SIK3: variants seen among roughly 807,000 people sequenced by gnomAD.
SIK3 encodes SIK family kinase 3.
In SIK3, 28 loss-of-function variants were observed where a neutral mutation model predicts 144.2. The observed-to-expected ratio is 0.19, with a 90% CI of 0.14 to 0.27. The LOEUF is 0.27. Ranked by LOEUF, SIK3 falls within the 10% of genes least tolerant of loss-of-function variation. The pLI is 1.00. For synonymous variants in SIK3, 686 were observed against 676.3 expected, an observed-to-expected ratio of 1.01 and a Z score of -0.22; for missense variants, 1,319 against 1,776.0, an observed-to-expected ratio of 0.74 and a Z score of 4.62.
At chr11:117,019,648 C>T (rs965684186) in intron 1 of SIK3, among the ~76,000 whole-genome samples, 1 of 151,622 alleles carries the variant, frequency 6.6e-6, no homozygotes, top group Non-Finnish European at 1.5e-5. Flanking sequence ...CAGAGTCTCG[C>T]TGTTTCCCAG....
At chr11:116,883,993 G>C (rs911544244) in intron 6 of SIK3, among the ~76,000 whole-genome samples, 4 of 151,946 alleles carry the variant, frequency 2.6e-5, no homozygotes, top group African/African-American at 7.3e-5. Context: ...CTAACCTATA[G>C]ATACATTCAG....
chr11:117,089,343 C>G (rs139654163), intron 1 of SIK3, among the ~76,000 whole-genome samples: 3,712 of 150,360 alleles, frequency 0.025, 86 homozygotes, highest in South Asian at 0.11. Context: ...AGAGGTGGAG[C>G]TTGCAGTGAG....
intron 4 of SIK3, among the ~76,000 whole-genome samples, chr11:116,897,851 C>T (rs1166849053): frequency 6.6e-6 from 1 of 151,720 alleles, no homozygotes; most frequent in African/African-American, 2.4e-5. Flanking sequence ...CCACTGCACT[C>T]CAGCCTGGGC....
chr11:116,992,122 G>A (rs771996668), intron 1 of SIK3, among the ~76,000 whole-genome samples: 6 of 151,992 alleles, frequency 3.9e-5, no homozygotes, highest in Non-Finnish European at 7.4e-5. Flanking sequence ...TCAGGAGTTC[G>A]AGACCAGCTT....
intron 1 of SIK3, among the ~76,000 whole-genome samples, chr11:116,981,709 G>A (rs1235745926): frequency 5.9e-5 from 9 of 152,036 alleles, no homozygotes; most frequent in African/African-American, 1.7e-4. Context: ...AGTCTTTAAG[G>A]CCTGACTAGA....
At chr11:116,891,143 T>TA (rs981828663) in intron 6 of SIK3, among the ~76,000 whole-genome samples, 2 of 151,998 alleles carry the variant, frequency 1.3e-5, no homozygotes, top group African/African-American at 2.4e-5. Flanking sequence ...TCCATCTCTA[T>TA]AAAAAAATGT....
At chr11:117,030,491 C>G (rs975218834) in intron 1 of SIK3, among the ~76,000 whole-genome samples, 4 of 151,920 alleles carry the variant, frequency 2.6e-5, no homozygotes, top group African/African-American at 9.7e-5. Context: ...GTGAAAAAAG[C>G]AAGACACAAC....
At chr11:116,861,982 A>G in intron 17 of SIK3, 56 bp from the exon 18 acceptor site, 1 of 1,359,838 alleles carries the variant, frequency 7.4e-7, no homozygotes, top group Non-Finnish European at 1.0e-6. Flanking sequence ...GATTACTCAG[A>G]GCTATTCTCA....
chr11:116,920,293 C>G (rs1316524849), intron 4 of SIK3, among the ~76,000 whole-genome samples: 1 of 152,090 alleles, frequency 6.6e-6, no homozygotes, highest in Admixed American at 6.5e-5. Flanking sequence ...TCTCTCACCC[C>G]AACTTCTTCC....
chr11:117,018,770 T>C (rs1474614479), intron 1 of SIK3, among the ~76,000 whole-genome samples: 1 of 152,004 alleles, frequency 6.6e-6, no homozygotes, highest in Non-Finnish European at 1.5e-5. Context: ...TGGAGTACAG[T>C]AGTGCATCTC....
At chr11:116,992,214 A>G (rs1177185963) in intron 1 of SIK3, among the ~76,000 whole-genome samples, 1 of 151,170 alleles carries the variant, frequency 6.6e-6, no homozygotes, top group Non-Finnish European at 1.5e-5. Context: ...AATCCCAGCT[A>G]CTCAGGAGGC....
intron 1 of SIK3, among the ~76,000 whole-genome samples, chr11:117,009,167 G>A (rs1951160586): frequency 6.6e-6 from 1 of 150,944 alleles, no homozygotes; most frequent in Non-Finnish European, 1.5e-5. Context: ...CCAGGAGGCA[G>A]AGGTTGCAGT....
At chr11:117,040,401 TA>T (rs1479702136) in intron 1 of SIK3, among the ~76,000 whole-genome samples, 4 of 152,232 alleles carry the variant, frequency 2.6e-5, no homozygotes, top group Non-Finnish European at 5.9e-5. Context: ...ATAATGTTAC[TA>T]GGCAATAGCT....
intron 3 of SIK3, among the ~76,000 whole-genome samples, chr11:116,948,997 TAATA>T (rs542671296): frequency 6.5e-4 from 98 of 151,184 alleles, no homozygotes; most frequent in African/African-American, 1.9e-3. Context: ...AACAACACAC[TAATA>T]AATAAATAAT....
intron 6 of SIK3, chr11:116,894,110 C>G (rs549518023): frequency 1.2e-5 from 2 of 163,990 alleles, no homozygotes; most frequent in African/African-American, 4.8e-5. Context: ...ACTCCCTCCT[C>G]CCTCCTCCTG....
chr11:116,914,925 T>G (rs1946539767), intron 4 of SIK3, among the ~76,000 whole-genome samples: 2 of 152,200 alleles, frequency 1.3e-5, no homozygotes, highest in Non-Finnish European at 2.9e-5. Flanking sequence ...TTTCTATGAT[T>G]TATGATACAG....
At chr11:117,041,168 A>T (rs1205166844) in intron 1 of SIK3, among the ~76,000 whole-genome samples, 1 of 152,184 alleles carries the variant, frequency 6.6e-6, no homozygotes, top group Non-Finnish European at 1.5e-5. Flanking sequence ...ATATTTTAAA[A>T]TGAAAAAAGA....
intron 1 of SIK3, among the ~76,000 whole-genome samples, chr11:117,092,817 C>T (rs1272693746): frequency 6.6e-6 from 1 of 152,140 alleles, no homozygotes; most frequent in East Asian, 1.9e-4. Context: ...AACTAGAAAA[C>T]ATTAGCCAGA....
intron 1 of SIK3, among the ~76,000 whole-genome samples, chr11:117,031,687 A>ATTTTT (rs57524562): frequency 0.027 from 2,181 of 81,466 alleles, 107 homozygotes; most frequent in African/African-American, 0.044. Flanking sequence ...CACCCGGCTA[A>ATTTTT]TTTTTTTTTT....
Sources: allele counts gnomAD v4.1 joint callset (sites outside exome capture counted in the v4.1 genomes callset), GRCh38; gene constraint gnomAD v4.1.1; transcripts MANE v1.5; gene names NCBI Gene and HGNC (gene_info 2026-07-23, HGNC 2026-07-21).